The following DOCK10 variants were observed in gnomAD, a reference collection of about 807,000 sequenced individuals.
The protein encoded by DOCK10 is dedicator of cytokinesis 10, also known as dedicator of cytokinesis protein 10.
In DOCK10, 145 loss-of-function variants were observed where a neutral mutation model predicts 280.1. That is an observed-to-expected ratio of 0.52 (90% CI 0.45 to 0.59). The LOEUF (loss-of-function observed/expected upper bound fraction) is 0.59, where lower values mean the gene tolerates loss of function less well. Among genes scored for constraint, DOCK10 ranks in the 20% least tolerant of loss-of-function variants. The probability of loss-of-function intolerance (pLI) is 0.00; values close to 1 mark genes in which losing one functional copy is unlikely to be tolerated. For missense variants in DOCK10, 2,368 were observed against 2,651.7 expected (o/e 0.89, Z 2.35); for synonymous variants, 915 against 942.2 (o/e 0.97, Z 0.53).
intron 3 of DOCK10, among the ~76,000 whole-genome samples, chr2:224,897,760 A>C (rs1025507881): frequency 6.6e-6 from 1 of 152,240 alleles, no homozygotes; most frequent in Admixed American, 6.5e-5. Flanking sequence ...TAGAAACATT[A>C]ATGGCACAAA....
At chr2:224,807,470 G>T in intron 33 of DOCK10, 198 bp downstream of exon 33, 1 of 456,224 alleles carries the variant, frequency 2.2e-6, no homozygotes, top group Non-Finnish European at 3.9e-6. Context: ...AAAGCAAAAT[G>T]CTGAAGGGTG....
chr2:225,003,638 A>G (rs1706495650), intron 1 of DOCK10, among the ~76,000 whole-genome samples: 1 of 152,226 alleles, frequency 6.6e-6, no homozygotes, highest in Non-Finnish European at 1.5e-5. Context: ...TCAAATTAAA[A>G]GTTTTATCTA....
At position 224,852,454 on chromosome 2, in the gene DOCK10, G is replaced by A. The variant is rs567323650; in HGVS notation, c.2077-12C>T. 3 of 1,547,208 alleles carry A rather than the reference G, an allele frequency of 1.9e-6. No homozygotes were observed. In the Admixed American group the frequency reaches 6.0e-5, roughly 31 times the overall value. On this transcript the variant is annotated splice_polypyrimidine_tract_variant and intron_variant, in intron 17 of 55. Coordinates refer to ENST00000258390, the MANE Select transcript of DOCK10 (RefSeq NM_014689.3). Reference sequence around the variant, plus strand: ...GTTATATTCCGTGCCTGAAATTACGGAGAGAAAAAATGGAAATTGTAATTT... The same window carrying A: ...GTTATATTCCGTGCCTGAAATTACGAAGAGAAAAAATGGAAATTGTAATTT...
At chr2:224,998,670 C>T (rs749250043) in intron 1 of DOCK10, among the ~76,000 whole-genome samples, 4 of 152,148 alleles carry the variant, frequency 2.6e-5, no homozygotes, top group Non-Finnish European at 5.9e-5. Flanking sequence ...TTTCACCTTC[C>T]CTCACTGGCA....
At chr2:224,810,271 C>G (rs938755698) in intron 31 of DOCK10, among the ~76,000 whole-genome samples, 1 of 151,818 alleles carries the variant, frequency 6.6e-6, no homozygotes, top group African/African-American at 2.4e-5. Flanking sequence ...TAAGTTTCTG[C>G]AAAAAAATTA....
intron 3 of DOCK10, among the ~76,000 whole-genome samples, chr2:224,902,679 A>G (rs1700364476): frequency 1.3e-5 from 2 of 151,090 alleles, no homozygotes; most frequent in African/African-American, 4.9e-5. Flanking sequence ...CATTTTAGTG[A>G]AAAAGAGAAA....
In DOCK10 at chr2:224,783,685, T is replaced by C. The variant is rs192920569; in HGVS notation, c.5655+3337A>G. On this transcript the variant is annotated intron_variant, in intron 50 of 55. Coordinates refer to ENST00000258390, the MANE Select transcript of DOCK10 (RefSeq NM_014689.3). ...CTGAAAGAAGAATAAAGTTAGGTCA[T>C]TTGCAAGGGCTCCCCCCAATACTTC... Among the ~76,000 whole-genome samples, 10 of 152,084 alleles carry C rather than the reference T, an allele frequency of 6.6e-5. No homozygotes were observed. In the East Asian group the frequency reaches 1.9e-3, roughly 29 times the overall value.
intron 25 of DOCK10, among the ~76,000 whole-genome samples, chr2:224,836,842 G>A (rs935147800): frequency 1.7e-4 from 26 of 151,830 alleles, no homozygotes; most frequent in African/African-American, 6.0e-4. Context: ...CTCGTGATCC[G>A]CCCGCCTCGG....
chr2:224,921,442 G>A (rs1432992727), intron 2 of DOCK10, among the ~76,000 whole-genome samples: 4 of 151,678 alleles, frequency 2.6e-5, no homozygotes. Context: ...TACTAGATTA[G>A]TAATGTCCTA....
chr2:224,871,597 C>G (rs186715663), intron 11 of DOCK10, among the ~76,000 whole-genome samples: 1 of 152,326 alleles, frequency 6.6e-6, no homozygotes, highest in Non-Finnish European at 1.5e-5. Context: ...TCTGTTTCTT[C>G]TACATCATCT....
At chr2:225,032,621 C>T (rs1690112415) in intron 1 of DOCK10, among the ~76,000 whole-genome samples, 1 of 152,178 alleles carries the variant, frequency 6.6e-6, no homozygotes, top group Non-Finnish European at 1.5e-5. Context: ...TCCACATTTG[C>T]AGTATCTTCA....
At position 224,835,929 on chromosome 2, in the gene DOCK10, T is replaced by A. The variant is rs560255394; in HGVS notation, c.2851-1666A>T. Among the ~76,000 whole-genome samples the A allele has an allele frequency of 4.0e-5, 6 of 149,924 alleles. No individual in the cohort carries two copies. The South Asian group carries it at 1.3e-3, about 31-fold the overall frequency. On this transcript the variant is annotated intron_variant, in intron 25 of 55. Transcript: ENST00000258390. ...TTGTTGGGTATTTCAGATACCCTGG[T>A]TAAAAATAAAGGTCACGCCAGGATG...
intron 1 of DOCK10, among the ~76,000 whole-genome samples, chr2:224,943,911 G>A (rs1291878599): frequency 2.0e-5 from 3 of 151,854 alleles, no homozygotes; most frequent in Non-Finnish European, 4.4e-5. Context: ...CTACAGGCAC[G>A]TGCCACCACG....
chr2:224,962,253 G>A (rs1704492174), intron 1 of DOCK10, among the ~76,000 whole-genome samples: 2 of 152,284 alleles, frequency 1.3e-5, no homozygotes, highest in South Asian at 4.1e-4. Flanking sequence ...TTCTGAGATT[G>A]GACAAAAATT....
intron 1 of DOCK10, among the ~76,000 whole-genome samples, chr2:225,038,276 T>A (rs1690320794): frequency 6.7e-6 from 1 of 149,108 alleles, no homozygotes. Flanking sequence ...CCCACTCAAT[T>A]AAAAAAAAAA....
At chr2:224,997,153 C>T (rs940398808) in intron 1 of DOCK10, among the ~76,000 whole-genome samples, 3 of 152,080 alleles carry the variant, frequency 2.0e-5, no homozygotes, top group Non-Finnish European at 4.4e-5. Flanking sequence ...TAATCTGCTT[C>T]CCACCAAATT....
chr2:224,991,133 G>T (rs1008691010), intron 1 of DOCK10, among the ~76,000 whole-genome samples: 1 of 152,186 alleles, frequency 6.6e-6, no homozygotes, highest in African/African-American at 2.4e-5. Context: ...TTCTTCAAGG[G>T]GTTGTGGTGG....
At position 224,775,014 on chromosome 2, in the gene DOCK10, G is replaced by A. The variant is rs768117264; in HGVS notation, c.5904C>T (p.Phe1968=). The A allele has an allele frequency of 2.2e-5, 36 of 1,613,808 alleles. No individual in the cohort carries two copies. The highest frequency in any genetic ancestry group is 1.1e-4 in the African/African-American group (8 of 74,932). The change falls in exon 52 of 56, where the codon TTC becomes TTT. Residue 1968 remains phenylalanine (F), a synonymous_variant. Coordinates refer to ENST00000258390, the MANE Select transcript of DOCK10 (RefSeq NM_014689.3). ...EKEIEDRKTD[F]EMHHNINRFV... ...AGCGGTTGATGTTGTGGTGCATTTC[G>A]AAATCTGTCTTCCGGTCTTCGATTT...
rs1692884944 is a variant in DOCK10, at chr2:224,800,182, T to C, written c.4475A>G (p.Asp1492Gly). The C allele has an allele frequency of 6.2e-7, 1 of 1,611,262 alleles. No homozygotes were observed. The highest frequency in any genetic ancestry group is 1.3e-5 in the African/African-American group (1 of 74,844). ...IATEVCLTIL[D>G]LLSLFTQTHQ... ...AGTCTGTGTGAAGAGGGATAACAGG[T>C]CCAGAATAGTGAGGCAAACCTCCGT... Residue 1492 changes from aspartate to glycine, a missense_variant, in exon 41 of 56, where the codon GAC becomes GGC. This residue lies in a region of DOCK10 where 1,159 missense variants were observed against 1,400.8 expected (regional missense o/e 0.83). Transcript: ENST00000258390.
Sources: gnomAD v4.1 joint callset for allele counts (sites outside exome capture counted in the v4.1 genomes callset) on GRCh38, gnomAD v4.1.1 for gene constraint, gnomAD v4.1.1 regional missense constraint, MANE v1.5 for transcripts, NCBI Gene and HGNC (gene_info 2026-07-23, HGNC 2026-07-21) for gene names.